AP4M1: variants seen among roughly 807,000 people sequenced by gnomAD.
The protein encoded by AP4M1 is adaptor related protein complex 4 subunit mu 1.
AP4M1 carries 58 observed loss-of-function variants against 62.4 expected under a neutral mutation model. That is an observed-to-expected ratio of 0.93 (90% CI 0.75 to 1.16). AP4M1 has a LOEUF of 1.16. AP4M1 is among the 50% of genes most tolerant of loss of function. AP4M1 has a pLI of 0.00. For synonymous variants in AP4M1, 290 were observed against 239.7 expected (o/e 1.21, Z -1.94); for missense variants, 626 against 585.4 (o/e 1.07, Z -0.72).
chr7:100,108,214 A>T lies in AP4M1; in HGVS notation c.*1332A>T. On this transcript the variant is annotated 3_prime_UTR_variant, in exon 15 of 15. Coordinates refer to ENST00000359593, the MANE Select transcript of AP4M1 (RefSeq NM_004722.4). Reference sequence around the variant, plus strand: ...GCCTGGGCTCCCCTCGCTCTTCCTCAGTGGCTCTCACTAGGGCTGGGGCAT... The same window carrying T: ...GCCTGGGCTCCCCTCGCTCTTCCTCTGTGGCTCTCACTAGGGCTGGGGCAT... 6.8e-7 allele frequency: 1 copy of T among 1,465,654 alleles called. No individual in the cohort carries two copies. The highest frequency in any genetic ancestry group is 2.4e-5 in the East Asian group (1 of 41,110). 90.8% of individuals were successfully genotyped at this position (1,465,654 alleles called of 1,614,324 possible).
Position 100,102,056 on chromosome 7 carries a change from A to T in AP4M1, c.147+88A>T. 3 of 1,443,274 alleles carry T rather than the reference A, an allele frequency of 2.1e-6. No homozygotes were observed. In the South Asian group the frequency reaches 3.5e-5, roughly 17 times the overall value. The allele number at this position is 1,443,274 out of a possible 1,614,324, so 89.4% of individuals were successfully genotyped here. On this transcript the variant is annotated intron_variant, in intron 2 of 14. Transcript: ENST00000359593. Reference sequence around the variant, plus strand: ...CCTCCCAGGACTGGTTCATTGGTAGATTCCACTTGGGGGGTGCATTCCGCC... The same window carrying T: ...CCTCCCAGGACTGGTTCATTGGTAGTTTCCACTTGGGGGGTGCATTCCGCC...
At chr7:100,101,474 C>G (rs1277740941), upstream of AP4M1, 2 of 841,006 alleles carry the variant, frequency 2.4e-6, no homozygotes, top group Non-Finnish European at 3.8e-6. Context: ...TCTTCACCTC[C>G]CGCTAGCCGC....
intron 11 of AP4M1, 25 bp from the exon 12 acceptor site, chr7:100,105,934 C>T (rs777669534): frequency 1.3e-5 from 21 of 1,613,714 alleles, no homozygotes; most frequent in East Asian, 2.2e-5. Context: ...TGGCCTGAGT[C>T]GTGGTGTTTT....
At chr7:100,100,959 T>C, upstream of AP4M1, 1 of 1,043,214 alleles carries the variant, frequency 9.6e-7, no homozygotes, top group Non-Finnish European at 1.3e-6. Context: ...AAGACTCTCC[T>C]GAGGTCCTGG....
Position 100,108,438 on chromosome 7 carries a change from C to G in AP4M1, c.*1556C>G. ...GCAGCCTGGGCCCGAGCCTTGACCA[C>G]CTGGGAGCAGAGGAGGGGCCCAAGG... On this transcript the variant is annotated 3_prime_UTR_variant, in exon 15 of 15. Coordinates refer to ENST00000359593, the MANE Select transcript of AP4M1 (RefSeq NM_004722.4). 1 of 1,613,972 alleles carries G rather than the reference C, an allele frequency of 6.2e-7. No homozygotes were observed. The highest frequency in any genetic ancestry group is 8.5e-7 in the Non-Finnish European group (1 of 1,179,876).
upstream of AP4M1, chr7:100,100,876 C>G (rs78828105): frequency 6.6e-3 from 6,900 of 1,051,030 alleles, 373 homozygotes; most frequent in African/African-American, 0.11. Context: ...CCTACGCGCG[C>G]CTGGGGAGGG....
chr7:100,101,205 C>G, upstream of AP4M1: 1 of 1,602,820 alleles, frequency 6.2e-7, no homozygotes, highest in Non-Finnish European at 8.5e-7. Context: ...CTCACACCAA[C>G]AGGTGTTCCC....
In AP4M1 at chr7:100,106,225, C is replaced by T. The variant is rs202052188; in HGVS notation, c.975-16C>T. The T allele has an allele frequency of 6.2e-7, 1 of 1,614,066 alleles. No homozygotes were observed. Among genetic ancestry groups the T allele is most frequent in the Admixed American group, 1.7e-5 (1 of 60,002 alleles). ...GTGCCTTCCTGGGGCTGACTTTGTT[C>T]CCGTCTCCTCTGTAGCCAAGCCCTC... On this transcript the variant is annotated splice_polypyrimidine_tract_variant and intron_variant, in intron 12 of 14. Transcript: ENST00000359593.
chr7:100,105,831 C>A, intron 11 of AP4M1, 128 bp from the exon 12 acceptor site: 2 of 1,164,864 alleles, frequency 1.7e-6, no homozygotes, highest in African/African-American at 1.5e-5. Flanking sequence ...TTGGGCTGGG[C>A]TTCAGCCCTT....
chr7:100,102,978 C>A lies in AP4M1; in HGVS notation c.351+18C>A. ...AAGTGCTGGTGAGAATCAACAATCCCCTTCTGTGGCCCCTACCCAATTCCC... is the reference window on the plus strand; with the variant it reads ...AAGTGCTGGTGAGAATCAACAATCCACTTCTGTGGCCCCTACCCAATTCCC... On this transcript the variant is annotated intron_variant, in intron 4 of 14. Transcript: ENST00000359593. 6.2e-7 allele frequency: 1 copy of A among 1,605,256 alleles called. No individual in the cohort carries two copies. The highest frequency in any genetic ancestry group is 8.5e-7 in the Non-Finnish European group (1 of 1,172,272).
Position 100,107,097 on chromosome 7 carries a change from C to T in AP4M1, c.*215C>T, listed in dbSNP as rs557433136. On this transcript the variant is annotated 3_prime_UTR_variant, in exon 15 of 15. Transcript: ENST00000359593. ...AGAACTTACAAACCAAACTTTTATTCTGAGAAACTGGCTGTACAATATCTA... is the reference window on the plus strand; with the variant it reads ...AGAACTTACAAACCAAACTTTTATTTTGAGAAACTGGCTGTACAATATCTA... 148 of 1,315,032 alleles carry T rather than the reference C, an allele frequency of 1.1e-4. 1 individual carries two copies. The East Asian group carries it at 3.3e-3, about 29-fold the overall frequency. The allele number at this position is 1,315,032 out of a possible 1,614,324, so 81.5% of individuals were successfully genotyped here.
chr7:100,105,618 T>C, intron 11 of AP4M1, 79 bp downstream of exon 11: 1 of 1,392,736 alleles, frequency 7.2e-7, no homozygotes, highest in South Asian at 1.2e-5. Flanking sequence ...CACTGCAGAG[T>C]GGGGGTGGTG....
At position 100,102,887 on chromosome 7, in the gene AP4M1, A is replaced by G; in HGVS notation, c.278A>G (p.Tyr93Cys). ...LSRLATLLGD[Y>C]CGSLGEGTIS... is the part of the protein sequence containing the mutation. ...AGGTTGGCCACCCTTCTGGGCGATT[A>G]CTGTGGCTCCCTGGGCGAGGGGACC... is the stretch of plus-strand genomic sequence containing the variant. Residue 93 changes from tyrosine (Y) to cysteine (C), a missense_variant, in exon 4 of 15, where the codon TAC becomes TGC. By Grantham distance (194) the Tyr-to-Cys change is radical (BLOSUM62 -2). Transcript: ENST00000359593. The G allele has an allele frequency of 6.2e-7, 1 of 1,614,036 alleles. No individual in the cohort carries two copies. Among genetic ancestry groups the G allele is most frequent in the Non-Finnish European group, 8.5e-7 (1 of 1,180,002 alleles).
At chr7:100,101,540 G>A (rs1244157758), upstream of AP4M1, 5 of 808,120 alleles carry the variant, frequency 6.2e-6, no homozygotes, top group African/African-American at 3.4e-5. Context: ...GCGGGCGTCG[G>A]AAGGGAATCT....
rs770429821 is a variant in AP4M1 at position 100,108,486 on chromosome 7, C to T, written c.*1604C>T. The T allele has an allele frequency of 1.4e-5, 23 of 1,613,790 alleles. No homozygotes were observed. The highest frequency in any genetic ancestry group is 3.3e-5 in the Admixed American group (2 of 60,008). ...AGGGACCCGAATTCTGCCCGATAGG[C>T]GTCCTGATTGTCAGGCGGTGGGCGC... On this transcript the variant is annotated 3_prime_UTR_variant, in exon 15 of 15. Transcript: ENST00000359593.
chr7:100,107,825 T>C lies in AP4M1; in HGVS notation c.*943T>C, dbSNP rs957441577. The C allele has an allele frequency of 6.2e-6, 9 of 1,452,898 alleles. No individual in the cohort carries two copies. Among genetic ancestry groups the C allele is most frequent in the Non-Finnish European group, 8.3e-6 (9 of 1,085,726 alleles). 90.0% of individuals were successfully genotyped at this position (1,452,898 alleles called of 1,614,324 possible). A position where few individuals can be genotyped will look rare whatever the true frequency, so the allele number is the denominator to read the frequency against. On this transcript the variant is annotated 3_prime_UTR_variant, in exon 15 of 15. Transcript: ENST00000359593. The stretch of plus-strand genomic sequence containing the variant: ...GTGGGCGCCTCTTCCAGCTCTTGAC[T>C]TGGGGCCCAGAGGGGACTGTGCTCT...
In AP4M1 at chr7:100,106,494, C is replaced by T. The variant is rs1562912305; in HGVS notation, c.1117C>T (p.Gln373Ter). The T allele has an allele frequency of 4.3e-6, 7 of 1,613,500 alleles. No homozygotes were observed. Among genetic ancestry groups the T allele is most frequent in the Non-Finnish European group, 5.9e-6 (7 of 1,180,010 alleles). ...CCTGCCTCGGGTGCAAGGAGGCTCT[C>T]AACTCTCAGGCCTTTTCCAGGTATT... ...WDLPRVQGGS[Q>*]LSGLFQMDVP... The change falls in exon 14 of 15, where the codon CAA (glutamine) becomes TAA (stop). Residue 373 changes from glutamine to a stop codon, truncating the protein, a stop_gained. Coordinates refer to ENST00000359593, the MANE Select transcript of AP4M1 (RefSeq NM_004722.4). LOFTEE classifies it high-confidence loss of function.
At chr7:100,101,519 G>A (rs1796029004), upstream of AP4M1, 4 of 788,046 alleles carry the variant, frequency 5.1e-6, no homozygotes, top group Non-Finnish European at 2.1e-6. Context: ...AATGAGTGAC[G>A]GGGAGGCGGT....
chr7:100,104,884 T>G lies in AP4M1; in HGVS notation c.617T>G (p.Leu206Arg). 2 of 1,614,110 alleles carry G rather than the reference T, an allele frequency of 1.2e-6. No homozygotes were observed. Among genetic ancestry groups the G allele is most frequent in the South Asian group, 2.2e-5 (2 of 91,068 alleles). The change falls in exon 8 of 15, where the codon CTG becomes CGG. Residue 206 changes from leucine to arginine, a missense_variant. Physicochemically the swap from Leu to Arg is moderately radical, Grantham distance 102. Coordinates refer to ENST00000359593, the MANE Select transcript of AP4M1 (RefSeq NM_004722.4). Reference protein sequence around the residue: ...SVLIASNGSLLKVDVQGEIRL... With the variant: ...SVLIASNGSLRKVDVQGEIRL... ...GCCCCTGCCTCTCAGGGATCCCTGC[T>G]GAAGGTGGATGTGCAGGGAGAGATT...
Sources: gnomAD v4.1 joint callset for allele counts on GRCh38, gnomAD v4.1.1 for gene constraint, MANE v1.5 for transcripts, NCBI Gene and HGNC (gene_info 2026-07-23, HGNC 2026-07-21) for gene names.